The following CRLF1 variants were observed in gnomAD, a reference collection of about 807,000 sequenced individuals.
CRLF1 encodes cytokine receptor like factor 1.
In CRLF1, 36 loss-of-function variants were observed where a neutral mutation model predicts 48.9. That is an observed-to-expected ratio of 0.74 (90% CI 0.56 to 0.97). The LOEUF is 0.97. Ranked by LOEUF, CRLF1 falls within the 50% of genes least tolerant of loss-of-function variation. The pLI is 0.00. For synonymous variants in CRLF1, 256 were observed against 253.4 expected (o/e 1.01, Z -0.10); for missense variants, 534 against 575.1 (o/e 0.93, Z 0.73).
rs1568440546 is a variant in CRLF1 at position 18,596,892 on chromosome 19, CT to C, written c.854del (p.Lys285ArgfsTer6). 6.2e-7 allele frequency: 1 copy of C among 1,614,112 alleles called. No individual in the cohort carries two copies. The highest frequency in any genetic ancestry group is 8.5e-7 in the Non-Finnish European group (1 of 1,180,018). ...RYRVEDSVDW[K>X]VVDDVSNQTS... ...CGGAGTCAGGGAAGGGGAGGGTCAC[CT>C]TCCAGTCCACACTGTCCTCCACTCG... is the stretch of plus-strand genomic sequence containing the variant. On this transcript the variant is annotated frameshift_variant and splice_region_variant, in exon 5 of 9. Coordinates refer to ENST00000392386, the MANE Select transcript of CRLF1 (RefSeq NM_004750.5). LOFTEE classifies it high-confidence loss of function.
Position 18,596,695 on chromosome 19 carries a change from G to A in CRLF1, c.951C>T (p.Gly317=). Residue 317 remains glycine, a synonymous_variant, in exon 6 of 9, where the codon GGC becomes GGT. Coordinates refer to ENST00000392386, the MANE Select transcript of CRLF1 (RefSeq NM_004750.5). ...TCCCGGCTTTCTTGGAGCCATAGATGCCAAAGGGGTTGCAGCGCACTTGCA... is the reference window on the plus strand; with the variant it reads ...TCCCGGCTTTCTTGGAGCCATAGATACCAAAGGGGTTGCAGCGCACTTGCA... ...YFVQVRCNPF[G]IYGSKKAGIW... 1.2e-6 allele frequency: 2 copies of A among 1,614,150 alleles called. No individual in the cohort carries two copies. Among genetic ancestry groups the A allele is most frequent in the Non-Finnish European group, 1.7e-6 (2 of 1,180,028 alleles).
At position 18,593,543 on chromosome 19, in the gene CRLF1, A is replaced by G. The variant is rs750266467; in HGVS notation, c.*23T>C. 1.9e-6 allele frequency: 3 copies of G among 1,610,358 alleles called. No individual in the cohort carries two copies. The highest frequency in any genetic ancestry group is 2.5e-6 in the Non-Finnish European group (3 of 1,178,862). On this transcript the variant is annotated 3_prime_UTR_variant, in exon 9 of 9. Coordinates refer to ENST00000392386, the MANE Select transcript of CRLF1 (RefSeq NM_004750.5). ...GCCTCTGCGTCTCCACGTGGCAGGGAGGGTGGCCTGAGCCCCTACAGCTTA... is the reference window on the plus strand; with the variant it reads ...GCCTCTGCGTCTCCACGTGGCAGGGGGGGTGGCCTGAGCCCCTACAGCTTA...
chr19:18,594,046 C>CCCCATCCG lies in CRLF1; in HGVS notation c.1255+18_1255+19insCGGATGGG. On this transcript the variant is annotated intron_variant, in intron 8 of 8. Coordinates refer to ENST00000392386, the MANE Select transcript of CRLF1 (RefSeq NM_004750.5). ...CCTCCCCTTGCTCCCTCCCGCCCAC[C>CCCCATCCG]CATTCAGGCCCACCTTACCTCTCGC... 6.5e-7 allele frequency: 1 copy of CCCCATCCG among 1,537,216 alleles called. No individual in the cohort carries two copies. Among genetic ancestry groups the CCCCATCCG allele is most frequent in the Admixed American group, 2.0e-5 (1 of 50,686 alleles).
In CRLF1 at chr19:18,593,891, G is replaced by A. The variant is rs896053717; in HGVS notation, c.1255+174C>T. 13 of 980,294 alleles carry A rather than the reference G, an allele frequency of 1.3e-5. No individual in the cohort carries two copies. The African/African-American group carries it at 2.3e-4, about 17-fold the overall frequency. The allele number at this position is 980,294 out of a possible 1,614,324, so 60.7% of individuals were successfully genotyped here. On this transcript the variant is annotated intron_variant, in intron 8 of 8. Coordinates refer to ENST00000392386, the MANE Select transcript of CRLF1 (RefSeq NM_004750.5). ...TCTTAGGCTAAAGGAGACAATGCCA[G>A]TTATACAGTAAGTGCTAAGTAAATG...
At chr19:18,600,403 C>T (rs950125558) in intron 1 of CRLF1, among the ~76,000 whole-genome samples, 15 of 150,574 alleles carry the variant, frequency 1.0e-4, no homozygotes, top group Non-Finnish European at 1.8e-4. Context: ...CAGTCTTGCT[C>T]TGTCGCCCAG....
chr19:18,595,144 C>T (rs750825071), intron 6 of CRLF1, among the ~76,000 whole-genome samples: 90 of 152,340 alleles, frequency 5.9e-4, no homozygotes, highest in South Asian at 5.2e-3. Flanking sequence ...ATCGGCCTCA[C>T]GTCATAAATA....
At chr19:18,595,118 G>A (rs967694749) in intron 6 of CRLF1, among the ~76,000 whole-genome samples, 3 of 152,220 alleles carry the variant, frequency 2.0e-5, no homozygotes, top group Non-Finnish European at 2.9e-5. Flanking sequence ...CCCCCAGCAG[G>A]CCGGCGGATA....
intron 1 of CRLF1, among the ~76,000 whole-genome samples, chr19:18,603,545 G>T (rs1219714842): frequency 6.6e-6 from 1 of 152,194 alleles, no homozygotes. Flanking sequence ...GCGTTAAAAG[G>T]ACTCCCCAGG....
intron 2 of CRLF1, 133 bp from the exon 3 acceptor site, chr19:18,599,034 G>A: frequency 6.6e-7 from 1 of 1,514,430 alleles, no homozygotes. Flanking sequence ...TCTCAGCCCT[G>A]TGCTGAGAAA....
At chr19:18,599,138 C>T (rs1976185059) in intron 2 of CRLF1, 20 of 983,342 alleles carry the variant, frequency 2.0e-5, no homozygotes, top group Non-Finnish European at 2.4e-5. Context: ...CAAAGTCTCG[C>T]TCTGTCCCCC....
At chr19:18,602,699 A>G (rs889168500) in intron 1 of CRLF1, among the ~76,000 whole-genome samples, 3 of 151,854 alleles carry the variant, frequency 2.0e-5, no homozygotes, top group Non-Finnish European at 4.4e-5. Context: ...GAGTGAAAAT[A>G]TTGTTGGAGA....
rs201176844 is a variant in CRLF1 at position 18,599,662 on chromosome 19, C to T, written c.300G>A (p.Leu100=). 171 of 1,613,394 alleles carry T rather than the reference C, an allele frequency of 1.1e-4. 2 individuals carry two copies. In the East Asian group the frequency reaches 3.7e-3, roughly 35 times the overall value. Reference sequence around the variant, plus strand: ...GCTGCCTGGACCCATTGAGGTTGGCCAGGGCCAGAGCCAAGGTGGAGGCGT... The same window carrying T: ...GCTGCCTGGACCCATTGAGGTTGGCTAGGGCCAGAGCCAAGGTGGAGGCGT... The part of the protein sequence containing the change: ...VLNASTLALA[L]ANLNGSRQRS... Residue 100 remains leucine (L), a synonymous_variant, in exon 2 of 9, where the codon CTG becomes CTA. Coordinates refer to ENST00000392386, the MANE Select transcript of CRLF1 (RefSeq NM_004750.5).
intron 8 of CRLF1, 35 bp downstream of exon 8, chr19:18,594,030 G>GCGGGGGGGGCC: frequency 7.6e-7 from 1 of 1,315,306 alleles, no homozygotes; most frequent in Non-Finnish European, 1.1e-6. Context: ...CCCTCCCCTT[G>GCGGGGGGGGCC]CTCCCTCCCG....
chr19:18,594,236 C>T lies in CRLF1; in HGVS notation c.1212+11G>A. On this transcript the variant is annotated intron_variant, in intron 7 of 8. Transcript: ENST00000392386. ...TCCCCACCCCCACGCCCGAGGGTCCCTCCTTCCTACCTGGTTGCGGGTCTT... is the reference window on the plus strand; with the variant it reads ...TCCCCACCCCCACGCCCGAGGGTCCTTCCTTCCTACCTGGTTGCGGGTCTT... 1 of 1,612,700 alleles carries T rather than the reference C, an allele frequency of 6.2e-7. No individual in the cohort carries two copies. The highest frequency in any genetic ancestry group is 8.5e-7 in the Non-Finnish European group (1 of 1,179,914).
intron 4 of CRLF1, among the ~76,000 whole-genome samples, chr19:18,597,493 G>A (rs1976156577): frequency 1.5e-5 from 2 of 133,830 alleles, no homozygotes; most frequent in Admixed American, 1.6e-4. Context: ...GCAGTGGCGG[G>A]ATCTCGGCTC....
At chr19:18,594,613 G>C (rs1019211754) in intron 6 of CRLF1, among the ~76,000 whole-genome samples, 179 bp from the exon 7 acceptor site, 4 of 151,848 alleles carry the variant, frequency 2.6e-5, no homozygotes, top group Non-Finnish European at 5.9e-5. Flanking sequence ...CCCCTGGCCC[G>C]GCTGCGCCCC....
chr19:18,599,116 C>CT, intron 2 of CRLF1: 1 of 985,262 alleles, frequency 1.0e-6, no homozygotes, highest in Non-Finnish European at 1.2e-6. Context: ...GGTTCTTTTT[C>CT]TTTTTTCGAG....
intron 2 of CRLF1, chr19:18,599,134 C>A: frequency 2.0e-6 from 2 of 984,856 alleles, no homozygotes; most frequent in Non-Finnish European, 2.4e-6. Context: ...GAGGCAAAGT[C>A]TCGCTCTGTC....
chr19:18,602,501 T>C (rs1490237939), intron 1 of CRLF1, among the ~76,000 whole-genome samples: 1 of 151,838 alleles, frequency 6.6e-6, no homozygotes, highest in Non-Finnish European at 1.5e-5. Flanking sequence ...GCCTGTGGTC[T>C]TAGCTACTTG....
Sources: gnomAD v4.1 joint callset for allele counts (sites outside exome capture counted in the v4.1 genomes callset) on GRCh38, gnomAD v4.1.1 for gene constraint, MANE v1.5 for transcripts, NCBI Gene and HGNC (gene_info 2026-07-23, HGNC 2026-07-21) for gene names.